KCNH7: variants seen among roughly 807,000 people sequenced by gnomAD.
The protein encoded by KCNH7 is potassium voltage-gated channel subfamily H member 7.
KCNH7 carries 49 observed loss-of-function variants against 120.8 expected under a neutral mutation model. The ratio of observed to expected loss-of-function variants is 0.41; its 90% confidence interval spans 0.32 to 0.51. KCNH7 has a LOEUF of 0.51. Among genes scored for constraint, KCNH7 ranks in the 20% least tolerant of loss-of-function variants. The pLI, the probability that KCNH7 is intolerant of heterozygous loss-of-function variation, is 0.38. For missense variants in KCNH7, 1,097 were observed against 1,446.6 expected (o/e 0.76, Z 3.92); for synonymous variants, 547 against 516.1 (o/e 1.06, Z -0.81).
intron 2 of KCNH7, among the ~76,000 whole-genome samples, chr2:162,752,903 A>AAAAAAGAAAG (rs1688612139): frequency 9.4e-5 from 3 of 32,024 alleles, no homozygotes; most frequent in South Asian, 3.3e-3. Flanking sequence ...TACATCTCAG[A>AAAAAAGAAAG]AAAAGAAAAG....
chr2:162,638,354 A>T (rs1277057484), intron 2 of KCNH7, among the ~76,000 whole-genome samples: 2 of 152,096 alleles, frequency 1.3e-5, no homozygotes, highest in Non-Finnish European at 1.5e-5. Flanking sequence ...GTTGATTTGA[A>T]TATCAATATG....
chr2:162,550,795 C>T (rs969776749), intron 2 of KCNH7, among the ~76,000 whole-genome samples: 9 of 151,238 alleles, frequency 6.0e-5, no homozygotes, highest in Non-Finnish European at 1.2e-4. Context: ...GCAGGCATTC[C>T]GTATTTAAAG....
intron 2 of KCNH7, among the ~76,000 whole-genome samples, chr2:162,563,708 C>T (rs16822693): frequency 0.044 from 6,683 of 152,122 alleles, 291 homozygotes; most frequent in East Asian, 0.11. Flanking sequence ...TGGGTGAAAG[C>T]ATGTAATTAG....
Position 162,399,377 on chromosome 2 carries a change from AT to A in KCNH7, c.2407+811del, listed in dbSNP as rs1687007186. Among the ~76,000 whole-genome samples the A allele has an allele frequency of 8.6e-5, 13 of 151,380 alleles. No homozygotes were observed. In the South Asian group the frequency reaches 1.7e-3, roughly 19 times the overall value. On this transcript the variant is annotated intron_variant, in intron 10 of 15. Coordinates refer to ENST00000332142, the MANE Select transcript of KCNH7 (RefSeq NM_033272.4). Reference sequence around the variant, plus strand: ...ATTTTTATTTTTTTAAGTTTTTAAAATTTTTTTATTATACTTTAAGTTCTAG... The same window carrying A: ...ATTTTTATTTTTTTAAGTTTTTAAAATTTTTTATTATACTTTAAGTTCTAG...
At chr2:162,464,449 T>G (rs1012087058) in intron 6 of KCNH7, among the ~76,000 whole-genome samples, 4 of 151,986 alleles carry the variant, frequency 2.6e-5, no homozygotes, top group Non-Finnish European at 5.9e-5. Flanking sequence ...ATTATGCAAG[T>G]GACAAAGAAC....
At chr2:162,418,800 C>T (rs1254130259) in intron 9 of KCNH7, among the ~76,000 whole-genome samples, 2 of 152,130 alleles carry the variant, frequency 1.3e-5, no homozygotes, top group Non-Finnish European at 2.9e-5. Flanking sequence ...TTGGAAGTCA[C>T]ATCAGCCCCA....
At chr2:162,669,613 C>T (rs1233039053) in intron 2 of KCNH7, among the ~76,000 whole-genome samples, 1 of 152,176 alleles carries the variant, frequency 6.6e-6, no homozygotes, top group Admixed American at 6.5e-5. Flanking sequence ...ATTTGCACCG[C>T]TCATTCAGAG....
chr2:162,382,310 A>G (rs1339939684), intron 13 of KCNH7, among the ~76,000 whole-genome samples: 1 of 152,104 alleles, frequency 6.6e-6, no homozygotes, highest in Admixed American at 6.6e-5. Flanking sequence ...AAATCTGAAG[A>G]TACATAATTA....
At chr2:162,756,038 T>C (rs1340682542) in intron 2 of KCNH7, among the ~76,000 whole-genome samples, 1 of 152,190 alleles carries the variant, frequency 6.6e-6, no homozygotes, top group Non-Finnish European at 1.5e-5. Flanking sequence ...TCAAGGGTTC[T>C]ACTCTAATTA....
chr2:162,543,685 A>G (rs1692388418), intron 2 of KCNH7, among the ~76,000 whole-genome samples: 2 of 152,100 alleles, frequency 1.3e-5, no homozygotes, highest in Non-Finnish European at 2.9e-5. Flanking sequence ...TGGCTCTACT[A>G]TTATTTAGTG....
intron 7 of KCNH7, among the ~76,000 whole-genome samples, chr2:162,442,472 C>T (rs1688455069): frequency 6.6e-6 from 1 of 152,048 alleles, no homozygotes; most frequent in Non-Finnish European, 1.5e-5. Context: ...AGTATCTTAA[C>T]ATTTAGGGAA....
chr2:162,667,694 C>G (rs1040206765), intron 2 of KCNH7, among the ~76,000 whole-genome samples: 1 of 152,140 alleles, frequency 6.6e-6, no homozygotes, highest in African/African-American at 2.4e-5. Context: ...CTACTGGTTC[C>G]AATTCCTAGA....
In KCNH7 at chr2:162,787,733, A is replaced by G. The variant is rs1683764937; in HGVS notation, c.307+48804T>C. 2.0e-5 allele frequency among the ~76,000 whole-genome samples: 3 copies of G among 152,036 alleles called. No homozygotes were observed. In the South Asian group the frequency reaches 6.2e-4, roughly 32 times the overall value. ...CAGATAACATCAGTTCAGATGCTAT[A>G]TACTCAGTTTCCAGGTCCATCTCAG... On this transcript the variant is annotated intron_variant, in intron 2 of 15. Transcript: ENST00000332142.
At chr2:162,699,974 C>A (rs989195421) in intron 2 of KCNH7, among the ~76,000 whole-genome samples, 1 of 151,484 alleles carries the variant, frequency 6.6e-6, no homozygotes, top group African/African-American at 2.4e-5. Flanking sequence ...AGAAAAATTA[C>A]TTTTTTTTTC....
intron 2 of KCNH7, among the ~76,000 whole-genome samples, chr2:162,695,421 T>C (rs533522473): frequency 5.3e-5 from 8 of 152,100 alleles, no homozygotes; most frequent in African/African-American, 1.2e-4. Flanking sequence ...CAAAAACCCA[T>C]AGACAACATT....
At chr2:162,602,700 A>G (rs1694597465) in intron 2 of KCNH7, among the ~76,000 whole-genome samples, 1 of 152,076 alleles carries the variant, frequency 6.6e-6, no homozygotes, top group African/African-American at 2.4e-5. Flanking sequence ...TTTTTTCTGA[A>G]GTTTTTATAA....
intron 6 of KCNH7, among the ~76,000 whole-genome samples, chr2:162,487,667 C>T (rs1690147841): frequency 6.6e-6 from 1 of 152,098 alleles, no homozygotes; most frequent in African/African-American, 2.4e-5. Flanking sequence ...GCATATTTTT[C>T]CATTATAAAT....
intron 7 of KCNH7, among the ~76,000 whole-genome samples, chr2:162,440,132 CTTA>C (rs985267026): frequency 6.6e-6 from 1 of 151,132 alleles, no homozygotes; most frequent in Non-Finnish European, 1.5e-5. Context: ...ATAATTGTAC[CTTA>C]TTTTTTAGTA....
chr2:162,474,329 G>C (rs1241955592), intron 6 of KCNH7, among the ~76,000 whole-genome samples: 1 of 152,182 alleles, frequency 6.6e-6, no homozygotes, highest in African/African-American at 2.4e-5. Flanking sequence ...ACATTCTCTT[G>C]AGGACAGTTA....
Sources: gnomAD v4.1 joint callset for allele counts (sites outside exome capture counted in the v4.1 genomes callset) on GRCh38, gnomAD v4.1.1 for gene constraint, MANE v1.5 for transcripts, NCBI Gene and HGNC (gene_info 2026-07-23, HGNC 2026-07-21) for gene names.